CDH8: variants seen among roughly 807,000 people sequenced by gnomAD.
CDH8 encodes the protein cadherin 8, also known as cadherin-8.
Under a neutral mutation model 68.1 loss-of-function variants are expected in CDH8, and 17 were observed. The ratio of observed to expected loss-of-function variants is 0.25; its 90% CI spans 0.17 to 0.37. The LOEUF is 0.37. Ranked by LOEUF, CDH8 falls within the 10% of genes least tolerant of loss-of-function variation. CDH8 has a pLI of 1.00. For synonymous variants in CDH8, 372 were observed against 365.1 expected, an observed-to-expected ratio of 1.02 and a Z score of -0.21; for missense variants, 763 against 999.3, an observed-to-expected ratio of 0.76 and a Z score of 3.19.
intron 2 of CDH8, among the ~76,000 whole-genome samples, chr16:61,923,628 C>T (rs566420874): frequency 1.7e-4 from 26 of 151,448 alleles, no homozygotes; most frequent in African/African-American, 5.8e-4. Context: ...ACATATACAA[C>T]ATAAAGCTGG....
chr16:61,989,584 G>A (rs757452726), intron 2 of CDH8, among the ~76,000 whole-genome samples: 7 of 152,200 alleles, frequency 4.6e-5, no homozygotes, highest in Admixed American at 6.5e-5. Context: ...ACTTGCTTGT[G>A]TAGCCAGAGC....
At chr16:61,820,778 G>T in intron 6 of CDH8, 148 bp downstream of exon 6, 1 of 600,956 alleles carries the variant, frequency 1.7e-6, no homozygotes, top group Admixed American at 2.9e-5. Flanking sequence ...TTGCCAAAAG[G>T]ACTGTACTAG....
At chr16:61,806,450 CA>C (rs1180877640) in intron 7 of CDH8, among the ~76,000 whole-genome samples, 1 of 125,514 alleles carries the variant, frequency 8.0e-6, no homozygotes, top group East Asian at 2.5e-4. Flanking sequence ...GCAATGGCAA[CA>C]AAAGACAAAA....
intron 11 of CDH8, among the ~76,000 whole-genome samples, chr16:61,654,893 T>C (rs1440876594): frequency 6.6e-6 from 1 of 152,220 alleles, no homozygotes; most frequent in Non-Finnish European, 1.5e-5. Flanking sequence ...AATCGCATTG[T>C]TATAATTGGA....
intron 2 of CDH8, among the ~76,000 whole-genome samples, chr16:61,954,700 C>CAA (rs35839753): frequency 2.5e-4 from 17 of 68,286 alleles, no homozygotes; most frequent in Non-Finnish European, 3.6e-4. Flanking sequence ...GACTCCATCT[C>CAA]AAAAAAAAAA....
Position 61,829,604 on chromosome 16 carries a change from G to C in CDH8, c.668-4425C>G, listed in dbSNP as rs77265672. 7.8e-3 allele frequency among the ~76,000 whole-genome samples: 1,185 copies of C among 151,938 alleles called. 5 individuals are homozygous for C. The highest frequency in any genetic ancestry group is 0.013 in the Non-Finnish European group (884 of 67,864). ...ATGAGAGTAATACCTATTCATTTAA[G>C]TGGGTTGCTCAAGATGACCCCACTG... On this transcript the variant is annotated intron_variant, in intron 4 of 11. Coordinates refer to ENST00000577390, the MANE Select transcript of CDH8 (RefSeq NM_001796.5).
intron 4 of CDH8, among the ~76,000 whole-genome samples, chr16:61,840,107 A>T (rs768357315): frequency 6.6e-6 from 1 of 152,158 alleles, no homozygotes; most frequent in African/African-American, 2.4e-5. Flanking sequence ...GATAACTTTT[A>T]TAAATACCAT....
rs753339953 is a variant in CDH8, at chr16:61,655,459, G to A, written c.1906+11C>T. 1.2e-6 allele frequency: 2 copies of A among 1,613,926 alleles called. No individual in the cohort carries two copies. Among genetic ancestry groups the A allele is most frequent in the South Asian group, 1.1e-5 (1 of 91,080 alleles). On this transcript the variant is annotated intron_variant, in intron 11 of 11. Transcript: ENST00000577390. ...AAAGGGTGACCGGTAGGCTATGAAG[G>A]AAATACGTACCTAACAGCAAAATGA...
intron 2 of CDH8, among the ~76,000 whole-genome samples, chr16:61,938,522 A>G (rs1964662154): frequency 6.6e-6 from 1 of 152,212 alleles, no homozygotes; most frequent in African/African-American, 2.4e-5. Context: ...AGAATTGCAA[A>G]TATACTTGCT....
intron 8 of CDH8, among the ~76,000 whole-genome samples, chr16:61,787,322 C>T (rs1199072140): frequency 6.8e-6 from 1 of 146,176 alleles, no homozygotes; most frequent in Admixed American, 6.8e-5. Context: ...TTTATGCAGC[C>T]AAAAAACACA....
At chr16:61,858,060 A>C (rs1963079676) in intron 3 of CDH8, among the ~76,000 whole-genome samples, 1 of 151,740 alleles carries the variant, frequency 6.6e-6, no homozygotes, top group Non-Finnish European at 1.5e-5. Flanking sequence ...CAGACATGTA[A>C]ATAATCAAAC....
intron 2 of CDH8, among the ~76,000 whole-genome samples, chr16:61,992,658 G>A (rs1210102494): frequency 6.6e-6 from 1 of 152,046 alleles, no homozygotes; most frequent in East Asian, 1.9e-4. Flanking sequence ...AAATTCCCTT[G>A]GATTCAGTCA....
intron 2 of CDH8, among the ~76,000 whole-genome samples, chr16:61,942,798 A>G (rs1964744270): frequency 6.6e-6 from 1 of 152,144 alleles, no homozygotes; most frequent in African/African-American, 2.4e-5. Context: ...CCAGCTGGGC[A>G]TGGTGACACA....
At chr16:61,723,940 A>G (rs1399234394) in intron 9 of CDH8, among the ~76,000 whole-genome samples, 1 of 150,718 alleles carries the variant, frequency 6.6e-6, no homozygotes, top group Non-Finnish European at 1.5e-5. Flanking sequence ...GATGTATACC[A>G]TCTTAAGTCT....
chr16:61,774,381 C>A (rs1295267374), intron 8 of CDH8, among the ~76,000 whole-genome samples: 1 of 150,166 alleles, frequency 6.7e-6, no homozygotes, highest in Non-Finnish European at 1.5e-5. Flanking sequence ...CCTGTGAACA[C>A]AGTCAGTGCC....
chr16:61,714,894 T>C (rs926373796), intron 9 of CDH8, among the ~76,000 whole-genome samples: 1 of 151,656 alleles, frequency 6.6e-6, no homozygotes, highest in East Asian at 1.9e-4. Flanking sequence ...TGCTATTGTG[T>C]CTGTGTGAAC....
intron 3 of CDH8, among the ~76,000 whole-genome samples, chr16:61,884,293 C>T (rs1037073365): frequency 6.6e-6 from 1 of 152,062 alleles, no homozygotes; most frequent in Admixed American, 6.5e-5. Flanking sequence ...GCCTACTCAA[C>T]ATGAAGATAA....
chr16:61,967,804 T>G (rs2150575052), intron 2 of CDH8, among the ~76,000 whole-genome samples: 1 of 152,226 alleles, frequency 6.6e-6, no homozygotes, highest in Admixed American at 6.5e-5. Context: ...TGAGATTATT[T>G]ATTTATTTAT....
Position 61,651,161 on chromosome 16 carries a change from A to G in CDH8, c.*2447T>C, listed in dbSNP as rs953998494. ...TAGAAATGAGTCTGGTGTTCAAGAGATACATAAAACATAATAATCTCTCCT... is the reference window on the plus strand; with the variant it reads ...TAGAAATGAGTCTGGTGTTCAAGAGGTACATAAAACATAATAATCTCTCCT... On this transcript the variant is annotated 3_prime_UTR_variant, in exon 12 of 12. Transcript: ENST00000577390. 6.6e-6 allele frequency: 1 copy of G among 152,130 alleles called. No homozygotes were observed. Among genetic ancestry groups the G allele is most frequent in the Non-Finnish European group, 1.5e-5 (1 of 68,026 alleles). The allele number at this position is 152,130 out of a possible 1,614,324, so 9.4% of individuals were successfully genotyped here.
Sources: gnomAD v4.1 joint callset for allele counts (sites outside exome capture counted in the v4.1 genomes callset) on GRCh38, gnomAD v4.1.1 for gene constraint, MANE v1.5 for transcripts, NCBI Gene and HGNC (gene_info 2026-07-23, HGNC 2026-07-21) for gene names.